Variants in SH3D19 observed in about 807,000 individuals in gnomAD.
The protein encoded by SH3D19 is SH3 domain containing 19.
Under a neutral mutation model 112.1 loss-of-function variants are expected in SH3D19, and 58 were observed. The observed-to-expected ratio is 0.52, with a 90% confidence interval of 0.42 to 0.64. SH3D19 has a LOEUF of 0.64. Ranked by LOEUF, SH3D19 falls within the 30% of genes least tolerant of loss-of-function variation. The pLI is 0.00. For missense variants in SH3D19, 1,090 were observed against 1,263.4 expected (o/e 0.86, Z 2.08); for synonymous variants, 391 against 448.5 (o/e 0.87, Z 1.62).
chr4:151,149,655 A>G, intron 9 of SH3D19, 94 bp from the exon 10 acceptor site: 5 of 1,067,898 alleles, frequency 4.7e-6, no homozygotes, highest in Non-Finnish European at 7.1e-6. Context: ...TGGATCTACA[A>G]GTAGAAATGC....
chr4:151,201,323 T>C (rs943598015), intron 2 of SH3D19, among the ~76,000 whole-genome samples: 1 of 152,202 alleles, frequency 6.6e-6, no homozygotes, highest in African/African-American at 2.4e-5. Context: ...ACTTCAAATC[T>C]CTGTATTTCC....
chr4:151,240,423 A>T (rs933594145), intron 1 of SH3D19, among the ~76,000 whole-genome samples: 1 of 151,842 alleles, frequency 6.6e-6, no homozygotes, highest in African/African-American at 2.4e-5. Flanking sequence ...AAAAAAAAAA[A>T]AAGTCAAGGG....
At chr4:151,323,198 T>C (rs1730721632) in intron 1 of SH3D19, among the ~76,000 whole-genome samples, 1 of 152,154 alleles carries the variant, frequency 6.6e-6, no homozygotes, top group Non-Finnish European at 1.5e-5. Flanking sequence ...ACAGACTACC[T>C]TAAGTCCATA....
intron 1 of SH3D19, among the ~76,000 whole-genome samples, chr4:151,300,000 G>A (rs1223238855): frequency 1.3e-5 from 2 of 152,114 alleles, no homozygotes; most frequent in East Asian, 1.9e-4. Flanking sequence ...TCGGGAGTTC[G>A]AGACCAGCCT....
intron 2 of SH3D19, among the ~76,000 whole-genome samples, chr4:151,225,690 G>C (rs538962114): frequency 2.7e-4 from 41 of 152,128 alleles, no homozygotes; most frequent in African/African-American, 9.2e-4. Context: ...TCTACAGTGA[G>C]CCTATATTAG....
intron 2 of SH3D19, among the ~76,000 whole-genome samples, chr4:151,201,056 G>A (rs1220202392): frequency 1.3e-5 from 2 of 152,204 alleles, no homozygotes; most frequent in Non-Finnish European, 2.9e-5. Context: ...AATTTTTCAA[G>A]CTTTATAATT....
chr4:151,255,434 C>G (rs1454912043), intron 1 of SH3D19, among the ~76,000 whole-genome samples: 1 of 151,762 alleles, frequency 6.6e-6, no homozygotes, highest in South Asian at 2.1e-4. Flanking sequence ...GGATGGGCGG[C>G]CGGGCAGAGA....
intron 9 of SH3D19, among the ~76,000 whole-genome samples, chr4:151,154,128 ATTTTTTTTTT>A (rs547926242): frequency 0.077 from 8,356 of 108,732 alleles, 739 homozygotes; most frequent in African/African-American, 0.24. Context: ...CACCCGGCTG[ATTTTTTTTTT>A]TTTTTTTTTG....
intron 1 of SH3D19, among the ~76,000 whole-genome samples, chr4:151,294,759 A>C (rs562736424): frequency 1.1e-4 from 16 of 152,268 alleles, no homozygotes; most frequent in Non-Finnish European, 1.6e-4. Context: ...ATTGCAGTGG[A>C]AGACAGACAA....
intron 7 of SH3D19, among the ~76,000 whole-genome samples, chr4:151,168,043 A>C (rs1406475131): frequency 6.6e-6 from 1 of 152,192 alleles, no homozygotes; most frequent in African/African-American, 2.4e-5. Context: ...AAAACAAAAC[A>C]CTATTTTAGG....
intron 1 of SH3D19, among the ~76,000 whole-genome samples, chr4:151,320,518 A>C (rs1730429948): frequency 6.6e-6 from 1 of 152,158 alleles, no homozygotes; most frequent in Admixed American, 6.6e-5. Flanking sequence ...ACAAATTATA[A>C]AGGAAAAGAT....
chr4:151,165,282 C>T (rs1426770587), intron 8 of SH3D19, among the ~76,000 whole-genome samples: 1 of 151,732 alleles, frequency 6.6e-6, no homozygotes, highest in Non-Finnish European at 1.5e-5. Flanking sequence ...GCAGAGGGTG[C>T]AGTGAGCTGA....
At chr4:151,299,657 A>G (rs1409550938) in intron 1 of SH3D19, among the ~76,000 whole-genome samples, 1 of 151,748 alleles carries the variant, frequency 6.6e-6, no homozygotes, top group African/African-American at 2.4e-5. Context: ...CAAATCTCCT[A>G]TTCCCTTATG....
chr4:151,154,381 G>A (rs976023437), intron 9 of SH3D19, among the ~76,000 whole-genome samples: 7 of 150,728 alleles, frequency 4.6e-5, no homozygotes, highest in Admixed American at 1.3e-4. Context: ...CGATCCGCCC[G>A]CCTTGGCCTC....
At chr4:151,137,917 T>A in intron 13 of SH3D19, 55 bp from the exon 14 acceptor site, 1 of 1,493,438 alleles carries the variant, frequency 6.7e-7, no homozygotes, top group Non-Finnish European at 9.0e-7. Flanking sequence ...GCAGATTTGA[T>A]AAAAGCACAA....
chr4:151,259,868 A>G (rs1343606054), intron 1 of SH3D19, among the ~76,000 whole-genome samples: 2 of 152,068 alleles, frequency 1.3e-5, no homozygotes, highest in Non-Finnish European at 2.9e-5. Context: ...AAATAGTTAC[A>G]TTCTCCCACC....
chr4:151,167,686 C>T (rs1758296184), intron 7 of SH3D19, among the ~76,000 whole-genome samples: 1 of 152,174 alleles, frequency 6.6e-6, no homozygotes, highest in African/African-American at 2.4e-5. Flanking sequence ...CTCTGCCCGA[C>T]CGCCGCCCCA....
intron 1 of SH3D19, among the ~76,000 whole-genome samples, chr4:151,307,155 A>G (rs1252206976): frequency 6.7e-6 from 1 of 150,046 alleles, no homozygotes; most frequent in African/African-American, 2.4e-5. Flanking sequence ...AGTAGCTGGG[A>G]CTACAGGCGC....
chr4:151,190,830 T>C (rs931197011), intron 2 of SH3D19, among the ~76,000 whole-genome samples: 13 of 152,082 alleles, frequency 8.5e-5, no homozygotes, highest in African/African-American at 3.1e-4. Flanking sequence ...CATCGCCTAG[T>C]GGAGCTGGGA....
Sources: allele counts gnomAD v4.1 joint callset (sites outside exome capture counted in the v4.1 genomes callset), GRCh38; gene constraint gnomAD v4.1.1; transcripts MANE v1.5; gene names NCBI Gene and HGNC (gene_info 2026-07-23, HGNC 2026-07-21).